Variants in PCLO observed in about 807,000 individuals in gnomAD.
PCLO encodes protein piccolo.
A neutral mutation model predicts 427.5 loss-of-function variants in PCLO; 82 were observed. The observed-to-expected ratio is 0.19, with a 90% CI of 0.16 to 0.23. The LOEUF is 0.23. Ranked by LOEUF, PCLO falls within the 10% of genes least tolerant of loss-of-function variation. PCLO has a pLI of 1.00. For synonymous variants in PCLO, 2,357 were observed against 2,155.4 expected (o/e 1.09, Z -2.59); for missense variants, 6,239 against 6,115.9 (o/e 1.02, Z -0.67).
rs763728519 is a variant in PCLO, at chr7:82,955,353, G to A, written c.5600C>T (p.Pro1867Leu). The A allele has an allele frequency of 1.2e-6, 2 of 1,613,498 alleles. No homozygotes were observed. The highest frequency in any genetic ancestry group is 1.7e-6 in the Non-Finnish European group (2 of 1,179,614). ...TTCCGGGCTTATTTCAAAACCTTCT[G>A]GGTCTGACTCTATGCTAGGTGAATA... Reference protein sequence around the residue: ...SEYSPSIESDPEGFEISPEKI... With the variant: ...SEYSPSIESDLEGFEISPEKI... The change falls in exon 5 of 25, where the codon CCA becomes CTA. Residue 1867 changes from proline to leucine, a missense_variant. Around this residue, in one of 5 missense-constraint regions of PCLO, gnomAD observed 4,677 missense variants for 4,468.4 expected, o/e 1.05. Coordinates refer to ENST00000333891, the MANE Select transcript of PCLO (RefSeq NM_033026.6).
rs373805043 is a variant in PCLO at position 82,952,952 on chromosome 7, T to G, written c.8001A>C (p.Thr2667=). ...SSFQAAPTSV[T]QFLTTEVSKT... is the part of the protein sequence containing the mutation. ...TGGAAACTTCAGTAGTGAGAAACTGTGTAACTGATGTGGGAGCTGCTTGAA... is the reference window on the plus strand; with the variant it reads ...TGGAAACTTCAGTAGTGAGAAACTGGGTAACTGATGTGGGAGCTGCTTGAA... Residue 2667 remains threonine (T), a synonymous_variant, in exon 5 of 25, where the codon ACA becomes ACC. Transcript: ENST00000333891. 5 of 1,613,848 alleles carry G rather than the reference T, an allele frequency of 3.1e-6. No homozygotes were observed. The highest frequency in any genetic ancestry group is 4.2e-6 in the Non-Finnish European group (5 of 1,179,826).
At chr7:82,904,724 G>A (rs1176628687) in intron 8 of PCLO, among the ~76,000 whole-genome samples, 4 of 151,904 alleles carry the variant, frequency 2.6e-5, no homozygotes, top group South Asian at 2.1e-4. Context: ...GTCATCATCA[G>A]GCTTCCTAAT....
chr7:83,044,734 A>T (rs117403917), intron 3 of PCLO, among the ~76,000 whole-genome samples: 1 of 152,274 alleles, frequency 6.6e-6, no homozygotes, highest in East Asian at 1.9e-4. Context: ...TGGAACACTA[A>T]ATCGCACATG....
At chr7:82,853,065 G>A (rs1410111002) in intron 10 of PCLO, among the ~76,000 whole-genome samples, 1 of 151,892 alleles carries the variant, frequency 6.6e-6, no homozygotes, top group Non-Finnish European at 1.5e-5. Context: ...TCCTTTTTAT[G>A]GCTGAATAGA....
chr7:83,144,417 G>T (rs374003890), intron 2 of PCLO, among the ~76,000 whole-genome samples: 1 of 151,868 alleles, frequency 6.6e-6, no homozygotes, highest in African/African-American at 2.4e-5. Context: ...GTGAAACTCC[G>T]TCTCAAAAAA....
intron 3 of PCLO, among the ~76,000 whole-genome samples, chr7:83,082,289 GAAC>G (rs1352906991): frequency 1.3e-5 from 2 of 151,538 alleles, no homozygotes; most frequent in Middle Eastern, 3.4e-3. Flanking sequence ...TTCATACATA[GAAC>G]GTGTGTAAAA....
chr7:82,894,010 A>G (rs1376910494), intron 9 of PCLO, among the ~76,000 whole-genome samples: 1 of 152,018 alleles, frequency 6.6e-6, no homozygotes, highest in Non-Finnish European at 1.5e-5. Context: ...AATACTTAAA[A>G]AAATATTTAA....
chr7:82,845,436 T>C lies in PCLO; in HGVS notation c.13881A>G (p.Glu4627=). ...ACTGCTGTAGTGAAACCTTCTGGAG[T>C]TCTGCTGCCAACTGCTTAGGATCAA... The part of the protein sequence containing the change: ...PGVDPKQLAA[E]LQKVSLQQSP... Residue 4627 remains glutamate (E), a synonymous_variant, in exon 13 of 25, where the codon GAA becomes GAG. Coordinates refer to ENST00000333891, the MANE Select transcript of PCLO (RefSeq NM_033026.6). 1 of 1,613,128 alleles carries C rather than the reference T, an allele frequency of 6.2e-7. No homozygotes were observed. The highest frequency in any genetic ancestry group is 8.5e-7 in the Non-Finnish European group (1 of 1,179,522).
Position 82,955,470 on chromosome 7 carries a change from C to T in PCLO, c.5483G>A (p.Ser1828Asn), listed in dbSNP as rs757838145. The change falls in exon 5 of 25, where the codon AGT (serine) becomes AAT (asparagine). Residue 1828 changes from serine (S) to asparagine (N), a missense_variant. Physicochemically the swap from Ser to Asn is conservative, Grantham distance 46 (BLOSUM62 1). Around this residue, in one of 5 missense-constraint regions of PCLO, gnomAD observed 4,677 missense variants for 4,468.4 expected, o/e 1.05. Coordinates refer to ENST00000333891, the MANE Select transcript of PCLO (RefSeq NM_033026.6). Reference sequence around the variant, plus strand: ...TGCATCTTCAATGGGAGAGAGATTACTAGGTGGTGTCTTTGGCCTTTCCCT... The same window carrying T: ...TGCATCTTCAATGGGAGAGAGATTATTAGGTGGTGTCTTTGGCCTTTCCCT... The part of the protein sequence containing the change: ...RRRERPKTPP[S>N]NLSPIEDASP... The T allele has an allele frequency of 3.1e-6, 5 of 1,613,578 alleles. No individual in the cohort carries two copies.
At chr7:82,905,207 A>T (rs1288047232) in intron 8 of PCLO, among the ~76,000 whole-genome samples, 4 of 152,060 alleles carry the variant, frequency 2.6e-5, no homozygotes, top group African/African-American at 7.2e-5. Context: ...TATTGCCTAT[A>T]GGCCTCCCAG....
At position 82,848,770 on chromosome 7, in the gene PCLO, A is replaced by G. The variant is rs545552489; in HGVS notation, c.13655-1523T>C. 3 of 202,830 alleles carry G rather than the reference A, an allele frequency of 1.5e-5. No individual in the cohort carries two copies. In the South Asian group the frequency reaches 2.2e-4, roughly 15 times the overall value. 12.6% of individuals were successfully genotyped at this position (202,830 alleles called of 1,614,324 possible). On this transcript the variant is annotated intron_variant, in intron 10 of 24. Transcript: ENST00000333891. The stretch of plus-strand genomic sequence containing the variant: ...AGAAAGCATATTACCAGTTGCAAGT[A>G]AGTAAAGGAAAAACTTTTACACTAT...
intron 9 of PCLO, among the ~76,000 whole-genome samples, chr7:82,899,610 T>G (rs1793991671): frequency 1.3e-5 from 2 of 151,430 alleles, no homozygotes; most frequent in South Asian, 4.1e-4. Context: ...AAAAGGGGCA[T>G]TCAGAGAAAA....
chr7:82,854,970 G>C (rs894874225), intron 10 of PCLO, among the ~76,000 whole-genome samples: 1 of 152,060 alleles, frequency 6.6e-6, no homozygotes, highest in Admixed American at 6.6e-5. Context: ...AAATACCAAA[G>C]ACTACAGTTG....
At chr7:83,160,434 C>G (rs372439821) in intron 1 of PCLO, among the ~76,000 whole-genome samples, 1 of 152,000 alleles carries the variant, frequency 6.6e-6, no homozygotes, top group Non-Finnish European at 1.5e-5. Flanking sequence ...AAGTGAAAAA[C>G]CAAATGTTTC....
rs532152990 is a variant in PCLO, at chr7:82,833,772, C to T, written c.14249+1895G>A. On this transcript the variant is annotated intron_variant, in intron 16 of 24. Transcript: ENST00000333891. ...TTGCTAGCAATAATAATAACAACTA[C>T]TATTGATTGAAAGCTTATTATGTTC... 1.1e-4 allele frequency among the ~76,000 whole-genome samples: 16 copies of T among 152,172 alleles called. No homozygotes were observed. In the East Asian group the frequency reaches 2.7e-3, roughly 26 times the overall value.
intron 3 of PCLO, among the ~76,000 whole-genome samples, chr7:83,119,354 A>G (rs1439907102): frequency 1.3e-5 from 2 of 152,130 alleles, no homozygotes; most frequent in Non-Finnish European, 2.9e-5. Context: ...AAGTGAGGGA[A>G]GAGAACAAGA....
Position 82,980,167 on chromosome 7 carries a change from C to A in PCLO, c.3301-13680G>T, listed in dbSNP as rs1796115081. On this transcript the variant is annotated intron_variant, in intron 3 of 24. Coordinates refer to ENST00000333891, the MANE Select transcript of PCLO (RefSeq NM_033026.6). ...CTCTCCCTCTCCCCACATCCTCACA[C>A]CTGCTCAGTGTTTCCTGAAAAGTGA... Among the ~76,000 whole-genome samples the A allele has an allele frequency of 2.0e-5, 3 of 149,514 alleles. No individual in the cohort carries two copies. In the East Asian group the frequency reaches 5.8e-4, roughly 29 times the overall value.
rs373227645 is a variant in PCLO, at chr7:82,955,159, G to T, written c.5794C>A (p.Pro1932Thr). 1 of 1,613,752 alleles carries T rather than the reference G, an allele frequency of 6.2e-7. No individual in the cohort carries two copies. The highest frequency in any genetic ancestry group is 2.2e-5 in the East Asian group (1 of 44,840). The change falls in exon 5 of 25, where the codon CCA becomes ACA. Residue 1932 changes from proline (P) to threonine (T), a missense_variant. Coordinates refer to ENST00000333891, the MANE Select transcript of PCLO (RefSeq NM_033026.6). ...MHKTHKYKAF[P>T]AANERDEVFE... ...ACTTCATCTCGTTCATTTGCAGCTG[G>T]AAAAGCTTTGTATTTGTGTGTTTTA...
intron 3 of PCLO, among the ~76,000 whole-genome samples, chr7:83,046,027 T>C (rs1472910208): frequency 6.6e-6 from 1 of 152,108 alleles, no homozygotes; most frequent in East Asian, 1.9e-4. Context: ...TCTTGGCTTG[T>C]AGATAGTCTA....
Sources: allele counts gnomAD v4.1 joint callset (sites outside exome capture counted in the v4.1 genomes callset), GRCh38; gene constraint gnomAD v4.1.1; regional missense constraint gnomAD v4.1.1; transcripts MANE v1.5; gene names NCBI Gene and HGNC (gene_info 2026-07-23, HGNC 2026-07-21).